The following USP49 variants were observed in gnomAD, a reference collection of about 807,000 sequenced individuals.
USP49 encodes ubiquitin carboxyl-terminal hydrolase 49.
USP49 carries 24 observed loss-of-function variants against 58.6 expected under a neutral mutation model. That is an observed-to-expected ratio of 0.41 (90% CI 0.30 to 0.58). The LOEUF is 0.58. Ranked by LOEUF, USP49 falls within the 20% of genes least tolerant of loss-of-function variation. The pLI, the probability that USP49 is intolerant of heterozygous loss-of-function variation, is 0.30. For synonymous variants in USP49, 408 were observed against 365.1 expected (o/e 1.12, Z -1.34); for missense variants, 703 against 866.1 (o/e 0.81, Z 2.36).
Position 41,796,225 on chromosome 6 carries a change from GAT to G in USP49, c.*306_*307del. On this transcript the variant is annotated 3_prime_UTR_variant, in exon 8 of 8. Coordinates refer to ENST00000682992, the MANE Select transcript of USP49 (RefSeq NM_001286554.2). ...GAAAACATGGCTGCTCTCCTGTGTG[GAT>G]ATGATTGATTTACCCCCCCGCCCCG... The G allele has an allele frequency of 3.6e-6, 1 of 277,880 alleles. No homozygotes were observed. Among genetic ancestry groups the G allele is most frequent in the East Asian group, 7.1e-5 (1 of 14,160 alleles). The allele number at this position is 277,880 out of a possible 1,614,324, so 17.2% of individuals were successfully genotyped here. A position where few individuals can be genotyped will look rare whatever the true frequency, so the allele number is the denominator to read the frequency against.
At chr6:41,863,404 C>T (rs967573030) in intron 3 of USP49, among the ~76,000 whole-genome samples, 1 of 152,198 alleles carries the variant, frequency 6.6e-6, no homozygotes, top group Non-Finnish European at 1.5e-5. Context: ...TCTGTCCTTA[C>T]GCTGCATGCC....
At chr6:41,817,585 G>C (rs1773379690) in intron 3 of USP49, among the ~76,000 whole-genome samples, 2 of 148,512 alleles carry the variant, frequency 1.3e-5, no homozygotes, top group Admixed American at 6.8e-5. Context: ...TCAGCCTCCC[G>C]AGTAGCTGGG....
chr6:41,851,789 C>T (rs1215631241), intron 3 of USP49, among the ~76,000 whole-genome samples: 1 of 151,202 alleles, frequency 6.6e-6, no homozygotes, highest in Non-Finnish European at 1.5e-5. Flanking sequence ...CCCATCTCTA[C>T]TAAAAATACA....
chr6:41,884,680 A>C (rs1774677266), intron 2 of USP49, among the ~76,000 whole-genome samples: 1 of 152,192 alleles, frequency 6.6e-6, no homozygotes, highest in African/African-American at 2.4e-5. Context: ...TGCATACATT[A>C]ATTTATTCCA....
At chr6:41,889,044 T>A (rs567652289) in intron 2 of USP49, among the ~76,000 whole-genome samples, 25 of 152,052 alleles carry the variant, frequency 1.6e-4, no homozygotes, top group East Asian at 9.7e-4. Flanking sequence ...TTTTTTTTTT[T>A]ATTTTTGAGA....
intron 2 of USP49, among the ~76,000 whole-genome samples, chr6:41,877,662 G>A (rs916552116): frequency 1.3e-5 from 2 of 150,482 alleles, no homozygotes; most frequent in Non-Finnish European, 3.0e-5. Context: ...TCCCAGGTAA[G>A]CAATTCTCAT....
At chr6:41,873,163 G>C (rs1774444989) in intron 2 of USP49, among the ~76,000 whole-genome samples, 1 of 152,210 alleles carries the variant, frequency 6.6e-6, no homozygotes, top group Non-Finnish European at 1.5e-5. Flanking sequence ...GCTGGGATTA[G>C]GTGGGGGTGA....
At chr6:41,813,579 T>C (rs765901599) in intron 3 of USP49, among the ~76,000 whole-genome samples, 46 of 152,220 alleles carry the variant, frequency 3.0e-4, no homozygotes, top group Non-Finnish European at 5.6e-4. Flanking sequence ...TCTTCTGATT[T>C]CATTTTCTGA....
At chr6:41,807,936 C>T (rs187178466) in intron 3 of USP49, among the ~76,000 whole-genome samples, 4 of 151,642 alleles carry the variant, frequency 2.6e-5, no homozygotes, top group East Asian at 1.9e-4. Flanking sequence ...CCACCACACC[C>T]GGCTAATTTT....
At chr6:41,876,199 A>G (rs777755680) in intron 2 of USP49, among the ~76,000 whole-genome samples, 10 of 152,234 alleles carry the variant, frequency 6.6e-5, no homozygotes, top group Middle Eastern at 3.2e-3. Flanking sequence ...GATAGCTGTG[A>G]AAGCAGGCAA....
chr6:41,831,246 C>T (rs1023569009), intron 3 of USP49, among the ~76,000 whole-genome samples: 3 of 151,916 alleles, frequency 2.0e-5, no homozygotes, highest in South Asian at 4.2e-4. Flanking sequence ...AAAAATTAGC[C>T]GGGCGTGGTG....
intron 2 of USP49, among the ~76,000 whole-genome samples, chr6:41,871,943 T>C (rs1461328188): frequency 6.6e-6 from 1 of 152,228 alleles, no homozygotes; most frequent in African/African-American, 2.4e-5. Flanking sequence ...TATATTTGCA[T>C]ACAATCTGAA....
intron 3 of USP49, among the ~76,000 whole-genome samples, chr6:41,816,942 G>A (rs1328856107): frequency 6.6e-6 from 1 of 151,614 alleles, no homozygotes; most frequent in Non-Finnish European, 1.5e-5. Flanking sequence ...CTGAACTGAA[G>A]TGATCTGCCC....
intron 3 of USP49, among the ~76,000 whole-genome samples, chr6:41,825,382 G>A (rs1199168936): frequency 6.6e-6 from 1 of 151,312 alleles, no homozygotes. Context: ...AGATCCCACA[G>A]AAGGAAGTTC....
At chr6:41,883,374 A>T (rs1446744692) in intron 2 of USP49, among the ~76,000 whole-genome samples, 1 of 148,908 alleles carries the variant, frequency 6.7e-6, no homozygotes, top group African/African-American at 2.5e-5. Flanking sequence ...AAAAAAAAAA[A>T]TGCCAAGCAC....
At position 41,798,567 on chromosome 6, in the gene USP49, C is replaced by T. The variant is rs528685016; in HGVS notation, c.1876+157G>A. 2.3e-5 allele frequency: 36 copies of T among 1,543,664 alleles called. No homozygotes were observed. The East Asian group carries it at 3.4e-4, about 15-fold the overall frequency. ...CTAGGATTACAGGTGTGAGCCACGGCGCCCAACCCAATTTTCACAATTCTT... is the reference window on the plus strand; with the variant it reads ...CTAGGATTACAGGTGTGAGCCACGGTGCCCAACCCAATTTTCACAATTCTT... On this transcript the variant is annotated intron_variant, in intron 7 of 7. Transcript: ENST00000682992.
At chr6:41,853,186 CAA>C (rs998297000) in intron 3 of USP49, among the ~76,000 whole-genome samples, 3 of 149,964 alleles carry the variant, frequency 2.0e-5, no homozygotes, top group African/African-American at 7.4e-5. Context: ...AACTCCATCT[CAA>C]AAAAAAAGAG....
At chr6:41,841,782 C>T (rs568902854) in intron 3 of USP49, among the ~76,000 whole-genome samples, 64 of 152,268 alleles carry the variant, frequency 4.2e-4, no homozygotes, top group South Asian at 4.1e-4. Context: ...TTTGGCCGGG[C>T]GCAGTGGCTC....
At chr6:41,810,012 C>T (rs79241275) in intron 3 of USP49, among the ~76,000 whole-genome samples, 3 of 148,758 alleles carry the variant, frequency 2.0e-5, no homozygotes, top group Non-Finnish European at 3.0e-5. Context: ...ATTAGCCGGG[C>T]GCGGTGGCGG....
Sources: allele counts gnomAD v4.1 joint callset (sites outside exome capture counted in the v4.1 genomes callset), GRCh38; gene constraint gnomAD v4.1.1; transcripts MANE v1.5; gene names NCBI Gene and HGNC (gene_info 2026-07-23, HGNC 2026-07-21).